NLRC5: variants seen among roughly 807,000 people sequenced by gnomAD.
NLRC5 encodes NLR family CARD domain containing 5, also known as protein NLRC5.
NLRC5 carries 114 observed loss-of-function variants against 206.9 expected under a neutral mutation model. That is an observed-to-expected ratio of 0.55 (90% CI 0.47 to 0.64). The LOEUF (loss-of-function observed/expected upper bound fraction) is 0.64, where lower values mean the gene tolerates loss of function less well. Among genes scored for constraint, NLRC5 ranks in the 30% least tolerant of loss-of-function variants. The pLI is 0.00. For missense variants in NLRC5, 2,008 were observed against 2,305.5 expected, an observed-to-expected ratio of 0.87 and a Z score of 2.64; for synonymous variants, 952 against 962.8, an observed-to-expected ratio of 0.99 and a Z score of 0.21.
Position 57,058,141 on chromosome 16 carries a change from T to G in NLRC5, c.3823T>G (p.Leu1275Val), listed in dbSNP as rs768557678. 6.2e-7 allele frequency: 1 copy of G among 1,607,386 alleles called. No homozygotes were observed. The highest frequency in any genetic ancestry group is 8.5e-7 in the Non-Finnish European group (1 of 1,176,182). ...ECLPQVPISG[L>V]LDLSHNSISQ... Reference sequence around the variant, plus strand: ...TCTGCCGCAGGTGCCCATCTCCGGTTTGCTTGAGTAAGTGGAAAGCAGCAT... The same window carrying G: ...TCTGCCGCAGGTGCCCATCTCCGGTGTGCTTGAGTAAGTGGAAAGCAGCAT... Residue 1275 changes from leucine to valine, a missense_variant, in exon 28 of 49, where the codon TTG becomes GTG. Physicochemically the swap from Leu to Val is conservative, Grantham distance 32. Coordinates refer to ENST00000688547, the MANE Select transcript of NLRC5 (RefSeq NM_001384950.1).
intron 45 of NLRC5, 51 bp downstream of exon 45, chr16:57,079,343 G>T (rs199476017): frequency 6.3e-7 from 1 of 1,593,106 alleles, no homozygotes; most frequent in Non-Finnish European, 8.6e-7. Flanking sequence ...GCTGAGGGCA[G>T]CCCTTCTCTG....
In NLRC5 at chr16:57,079,303, TC is replaced by T. The variant is rs746478875; in HGVS notation, c.5237+15del. 1 of 1,613,000 alleles carries T rather than the reference TC, an allele frequency of 6.2e-7. No homozygotes were observed. Among genetic ancestry groups the T allele is most frequent in the South Asian group, 1.1e-5 (1 of 91,082 alleles). ...GCTCAGACAGATAGAGTAAGTAGCC[TC>T]CCCTGCCTGCCTAGGGGACCAGTGG... On this transcript the variant is annotated intron_variant, in intron 45 of 48. Coordinates refer to ENST00000688547, the MANE Select transcript of NLRC5 (RefSeq NM_001384950.1).
chr16:57,075,569 G>T (rs1567645627), intron 39 of NLRC5, among the ~76,000 whole-genome samples: 1 of 152,182 alleles, frequency 6.6e-6, no homozygotes, highest in Non-Finnish European at 1.5e-5. Flanking sequence ...AATTCTGGGG[G>T]CCACGGTCAG....
In NLRC5 at chr16:57,082,525, TTGA is replaced by T. The variant is rs1476025069; in HGVS notation, c.5601_*2del. 1 of 1,608,744 alleles carries T rather than the reference TTGA, an allele frequency of 6.2e-7. No individual in the cohort carries two copies. Among genetic ancestry groups the T allele is most frequent in the Non-Finnish European group, 8.5e-7 (1 of 1,175,380 alleles). Reference sequence around the variant, plus strand: ...ACCAGCCCCAGGCCCCTTGGGGTACTTGATGGCCCCCTCAAGACCTTTGGAATC... The same window carrying T: ...ACCAGCCCCAGGCCCCTTGGGGTACTTGGCCCCCTCAAGACCTTTGGAATC... On this transcript the variant is annotated stop_lost and inframe_deletion, in exon 49 of 49. Coordinates refer to ENST00000688547, the MANE Select transcript of NLRC5 (RefSeq NM_001384950.1).
chr16:57,072,383 C>T (rs904642977), intron 38 of NLRC5, among the ~76,000 whole-genome samples: 2 of 152,164 alleles, frequency 1.3e-5, no homozygotes, highest in African/African-American at 4.8e-5. Flanking sequence ...TCCTCACTGG[C>T]CAGACCTGGG....
At position 57,039,833 on chromosome 16, in the gene NLRC5, A is replaced by G; in HGVS notation, c.2854A>G (p.Lys952Glu). Residue 952 changes from lysine (K) to glutamate (E), a missense_variant, in exon 16 of 49, where the codon AAG becomes GAG. Physicochemically the swap from Lys to Glu is moderately conservative, Grantham distance 56. Coordinates refer to ENST00000688547, the MANE Select transcript of NLRC5 (RefSeq NM_001384950.1). ...FMFAQEPEEQKGPQERAAFLD... is the reference protein window; with the variant it reads ...FMFAQEPEEQEGPQERAAFLD... The stretch of plus-strand genomic sequence containing the variant: ...GTTTGCCCAGGAGCCAGAGGAGCAG[A>G]AGGGGCCCCAGGAGAGGTAGGGCCC... 1 of 1,614,178 alleles carries G rather than the reference A, an allele frequency of 6.2e-7. No individual in the cohort carries two copies. The highest frequency in any genetic ancestry group is 8.5e-7 in the Non-Finnish European group (1 of 1,180,006).
At chr16:57,066,923 ACTC>A (rs1243755770) in intron 34 of NLRC5, among the ~76,000 whole-genome samples, 1 of 151,018 alleles carries the variant, frequency 6.6e-6, no homozygotes, top group African/African-American at 2.4e-5. Context: ...CACCTGCCTA[ACTC>A]CTCCTCATCC....
chr16:57,061,732 G>T (rs776653556), intron 32 of NLRC5, 31 bp downstream of exon 32: 10 of 1,587,120 alleles, frequency 6.3e-6, no homozygotes, highest in Non-Finnish European at 6.0e-6. Flanking sequence ...TCCGGGAGGG[G>T]CCATGGCATG....
intron 27 of NLRC5, 53 bp from the exon 28 acceptor site, chr16:57,058,012 C>T: frequency 6.9e-7 from 1 of 1,448,850 alleles, no homozygotes; most frequent in South Asian, 1.2e-5. Context: ...TGAGGAGCAT[C>T]TCAGGCTGAG....
chr16:57,054,529 G>A (rs2065342672), intron 24 of NLRC5, among the ~76,000 whole-genome samples: 1 of 152,188 alleles, frequency 6.6e-6, no homozygotes, highest in African/African-American at 2.4e-5. Context: ...AGCTCAGAGA[G>A]GTGAAGTCAC....
intron 15 of NLRC5, among the ~76,000 whole-genome samples, chr16:57,039,008 T>C (rs951853465): frequency 2.6e-5 from 4 of 151,978 alleles, no homozygotes; most frequent in Non-Finnish European, 5.9e-5. Flanking sequence ...GATCAAGTAT[T>C]AATAATTATT....
Position 57,061,455 on chromosome 16 carries a change from G to T in NLRC5, c.3994G>T (p.Glu1332Ter). ...DQAGKTLRLS[E>*]CSFRPEHVSR... ...CTGGCTTTCTGCCCTCAGGCTAAGT[G>T]AGTGCAGCTTCCGGCCAGAGCACGT... The change falls in exon 31 of 49, where the codon GAG (glutamate) becomes TAG (stop). Residue 1332 changes from glutamate to a stop codon, truncating the protein, a stop_gained. Transcript: ENST00000688547. LOFTEE classifies it high-confidence loss of function. The T allele has an allele frequency of 6.2e-7, 1 of 1,611,314 alleles. No individual in the cohort carries two copies. Among genetic ancestry groups the T allele is most frequent in the South Asian group, 1.1e-5 (1 of 91,068 alleles).
At position 57,013,740 on chromosome 16, in the gene NLRC5, G is replaced by A. The variant is rs1464241489; in HGVS notation, c.-127-3334G>A. The A allele has an allele frequency of 2.1e-5, 15 of 721,800 alleles. No homozygotes were observed. The East Asian group carries it at 3.2e-4, about 16-fold the overall frequency. The allele number at this position is 721,800 out of a possible 1,614,324, so 44.7% of individuals were successfully genotyped here. A position where few individuals can be genotyped will look rare whatever the true frequency, so the allele number is the denominator to read the frequency against. On this transcript the variant is annotated intron_variant, in intron 1 of 48. Transcript: ENST00000688547. The stretch of plus-strand genomic sequence containing the variant: ...TGTGCCTGATAAAAGTCAACAATAC[G>A]TTTACAATTTTTTATCCTCAATTCA...
chr16:57,023,933 C>T, intron 5 of NLRC5, 80 bp downstream of exon 5: 2 of 1,320,502 alleles, frequency 1.5e-6, no homozygotes, highest in East Asian at 2.5e-5. Context: ...GGACCTTGTC[C>T]CCTGCCAATA....
At chr16:57,027,193 A>C (rs940781271) in intron 6 of NLRC5, among the ~76,000 whole-genome samples, 175 bp downstream of exon 6, 37 of 152,186 alleles carry the variant, frequency 2.4e-4, no homozygotes, top group African/African-American at 8.9e-4. Context: ...CTGGAGTCCA[A>C]ATGGATCCTC....
At chr16:57,008,726 A>G (rs2142515380) in intron 1 of NLRC5, among the ~76,000 whole-genome samples, 1 of 139,926 alleles carries the variant, frequency 7.1e-6, no homozygotes, top group East Asian at 2.3e-4. Context: ...AAAGTGTTTT[A>G]TTATTTTTTA....
At chr16:57,076,929 C>A (rs752441417) in intron 40 of NLRC5, 27 bp downstream of exon 40, 3 of 1,607,382 alleles carry the variant, frequency 1.9e-6, no homozygotes, top group Admixed American at 3.3e-5. Context: ...GCCCCCAGAC[C>A]CAGGACAATT....
chr16:57,015,925 C>CAAAAAAAAAAAAAAAAAA (rs35216159), intron 1 of NLRC5, among the ~76,000 whole-genome samples: 1 of 39,658 alleles, frequency 2.5e-5, no homozygotes, highest in Non-Finnish European at 4.8e-5. Flanking sequence ...AACTCCATCT[C>CAAAAAAAAAAAAAAAAAA]AAAAAAAAAA....
intron 1 of NLRC5, among the ~76,000 whole-genome samples, chr16:57,006,979 T>C (rs1220223978): frequency 6.6e-6 from 1 of 151,890 alleles, no homozygotes; most frequent in East Asian, 1.9e-4. Context: ...TCTTATTTAC[T>C]CATCATCTTG....
Sources: allele counts gnomAD v4.1 joint callset (sites outside exome capture counted in the v4.1 genomes callset), GRCh38; gene constraint gnomAD v4.1.1; transcripts MANE v1.5; gene names NCBI Gene and HGNC (gene_info 2026-07-23, HGNC 2026-07-21).